Variants in MACROD2 observed in about 807,000 individuals in gnomAD.
MACROD2 encodes the protein ADP-ribose glycohydrolase MACROD2.
In MACROD2, 36 loss-of-function variants were observed where a neutral mutation model predicts 70.4. That is an observed-to-expected ratio of 0.51 (90% confidence interval 0.39 to 0.68). The LOEUF is 0.68. MACROD2 is among the 30% of genes least tolerant of loss of function. The pLI, the probability that MACROD2 is intolerant of heterozygous loss-of-function variation, is 0.00. For missense variants in MACROD2, 496 were observed against 538.4 expected (o/e 0.92, Z 0.78); for synonymous variants, 172 against 178.8 (o/e 0.96, Z 0.30).
At position 14,004,701 on chromosome 20, in the gene MACROD2, A is replaced by G. The variant is rs528593115; in HGVS notation, c.163+2297A>G. Among the ~76,000 whole-genome samples the G allele has an allele frequency of 1.3e-3, 192 of 152,276 alleles. 2 individuals are homozygous for G. Among genetic ancestry groups the G allele is most frequent in the African/African-American group, 4.3e-3 (180 of 41,580 alleles). On this transcript the variant is annotated intron_variant, in intron 2 of 17. Transcript: ENST00000684519. ...TAAATTTACAAAAAATAATAAAGGA[A>G]AACTATACATATGGTTATATTTGAA... is the stretch of plus-strand genomic sequence containing the variant.
intron 3 of MACROD2, among the ~76,000 whole-genome samples, chr20:14,351,373 C>A (rs2083121833): frequency 6.6e-6 from 1 of 151,978 alleles, no homozygotes; most frequent in Non-Finnish European, 1.5e-5. Flanking sequence ...TATTTCACTC[C>A]ATGAACATGG....
chr20:15,751,020 GAT>G (rs1327177306), intron 8 of MACROD2, among the ~76,000 whole-genome samples: 7 of 151,962 alleles, frequency 4.6e-5, no homozygotes, highest in Admixed American at 4.6e-4. Context: ...GAATGGGAGA[GAT>G]TGGTCAATGC....
chr20:14,167,097 T>C (rs925280261), intron 3 of MACROD2, among the ~76,000 whole-genome samples: 9 of 152,170 alleles, frequency 5.9e-5, no homozygotes, highest in Admixed American at 2.0e-4. Context: ...TCTGTTTTTT[T>C]TCTCATGTCC....
At chr20:14,101,023 ATTTT>A (rs942583994) in intron 3 of MACROD2, among the ~76,000 whole-genome samples, 1 of 150,674 alleles carries the variant, frequency 6.6e-6, no homozygotes, top group Non-Finnish European at 1.5e-5. Context: ...TGTCAGTACA[ATTTT>A]TTTATTATTT....
At chr20:15,609,262 A>G (rs1374133131) in intron 8 of MACROD2, among the ~76,000 whole-genome samples, 3 of 152,220 alleles carry the variant, frequency 2.0e-5, no homozygotes, top group African/African-American at 7.2e-5. Flanking sequence ...AGGTGAGAGA[A>G]GGAAGAACTT....
intron 3 of MACROD2, among the ~76,000 whole-genome samples, chr20:14,253,173 A>G (rs1222127488): frequency 6.6e-6 from 1 of 152,026 alleles, no homozygotes; most frequent in South Asian, 2.1e-4. Context: ...GGTATATTTT[A>G]TGAGTAGTGA....
chr20:15,152,656 G>T (rs1361517661), intron 5 of MACROD2, among the ~76,000 whole-genome samples: 1 of 151,836 alleles, frequency 6.6e-6, no homozygotes, highest in Non-Finnish European at 1.5e-5. Context: ...ACAGAGAAGG[G>T]GTTGGGGTTC....
chr20:15,993,662 G>A lies in MACROD2; in HGVS notation c.1153+6504G>A, dbSNP rs184828749. ...TTATGGCTATATGGATATACACATG[G>A]ATCCATAATACACACACATTCAGAA... On this transcript the variant is annotated intron_variant, in intron 15 of 17. Transcript: ENST00000684519. 3.9e-3 allele frequency among the ~76,000 whole-genome samples: 592 copies of A among 152,150 alleles called. 3 individuals carry two copies. Among genetic ancestry groups the A allele is most frequent in the Non-Finnish European group, 6.9e-3 (468 of 67,978 alleles).
chr20:14,750,773 T>A (rs2071859610), intron 5 of MACROD2, among the ~76,000 whole-genome samples: 1 of 152,086 alleles, frequency 6.6e-6, no homozygotes, highest in Non-Finnish European at 1.5e-5. Context: ...CCAATTATTT[T>A]AATTAATATA....
chr20:14,884,890 A>T (rs571519786), intron 5 of MACROD2, among the ~76,000 whole-genome samples: 12 of 152,134 alleles, frequency 7.9e-5, no homozygotes, highest in Admixed American at 2.6e-4. Flanking sequence ...CCTTCTATTC[A>T]TTCCAGGTAT....
chr20:14,411,231 AT>A (rs1313261360), intron 3 of MACROD2, among the ~76,000 whole-genome samples: 5 of 151,886 alleles, frequency 3.3e-5, no homozygotes, highest in African/African-American at 1.2e-4. Flanking sequence ...TCTGGGATAG[AT>A]TTTTTTTCTT....
At chr20:14,622,406 C>T (rs1172475227) in intron 4 of MACROD2, among the ~76,000 whole-genome samples, 1 of 152,028 alleles carries the variant, frequency 6.6e-6, no homozygotes, top group Non-Finnish European at 1.5e-5. Flanking sequence ...ACAGCATTAC[C>T]TTTTAAAATC....
chr20:15,210,267 G>A (rs2076750018), intron 5 of MACROD2, among the ~76,000 whole-genome samples: 1 of 152,196 alleles, frequency 6.6e-6, no homozygotes, highest in Non-Finnish European at 1.5e-5. Context: ...TGGTAAGAAA[G>A]GCAGTCACAG....
Position 14,002,421 on chromosome 20 carries a change from A to AT in MACROD2, c.163+23dup, listed in dbSNP as rs759806172. ...AAAATGATGGTAAGTTTCTCGGAACATTTTTTAGGTAGATATTTTTCCCAT... is the reference window on the plus strand; with the variant it reads ...AAAATGATGGTAAGTTTCTCGGAACATTTTTTTAGGTAGATATTTTTCCCAT... On this transcript the variant is annotated intron_variant, in intron 2 of 17. Coordinates refer to ENST00000684519, the MANE Select transcript of MACROD2 (RefSeq NM_001351661.2). 12 of 1,489,686 alleles carry AT rather than the reference A, an allele frequency of 8.1e-6. No individual in the cohort carries two copies. Among genetic ancestry groups the AT allele is most frequent in the South Asian group, 2.4e-5 (2 of 82,560 alleles). 92.3% of individuals were successfully genotyped at this position (1,489,686 alleles called of 1,614,324 possible).
intron 8 of MACROD2, among the ~76,000 whole-genome samples, chr20:15,611,594 G>T (rs897312696): frequency 1.6e-4 from 25 of 151,734 alleles, no homozygotes; most frequent in Admixed American, 9.2e-4. Flanking sequence ...CAGTCCCATG[G>T]GAGTGAATAT....
intron 8 of MACROD2, among the ~76,000 whole-genome samples, chr20:15,794,612 T>C (rs1430841629): frequency 6.6e-6 from 1 of 152,202 alleles, no homozygotes; most frequent in African/African-American, 2.4e-5. Context: ...CTCAGCTTCC[T>C]CTGTGCATGC....
intron 6 of MACROD2, among the ~76,000 whole-genome samples, chr20:15,285,444 C>A (rs950295900): frequency 6.6e-6 from 1 of 152,156 alleles, no homozygotes; most frequent in Admixed American, 6.6e-5. Flanking sequence ...TATCATCGTG[C>A]TAGTTCTATC....
At chr20:14,429,175 T>C (rs2083967251) in intron 3 of MACROD2, among the ~76,000 whole-genome samples, 1 of 152,166 alleles carries the variant, frequency 6.6e-6, no homozygotes, top group Admixed American at 6.6e-5. Context: ...TCATTTAAAA[T>C]AAATCCCAGA....
chr20:14,845,172 T>C (rs1416565992), intron 5 of MACROD2, among the ~76,000 whole-genome samples: 1 of 152,164 alleles, frequency 6.6e-6, no homozygotes, highest in Admixed American at 6.5e-5. Context: ...ATTTCTCGTA[T>C]GTAATTTAAA....
Sources: gnomAD v4.1 joint callset for allele counts (sites outside exome capture counted in the v4.1 genomes callset) on GRCh38, gnomAD v4.1.1 for gene constraint, MANE v1.5 for transcripts, NCBI Gene and HGNC (gene_info 2026-07-23, HGNC 2026-07-21) for gene names.